GNAI3: variants seen among roughly 807,000 people sequenced by gnomAD.
GNAI3 encodes the protein G protein subunit alpha i3, also known as guanine nucleotide-binding protein G(i) subunit alpha-3.
A neutral mutation model predicts 41.8 loss-of-function variants in GNAI3; 12 were observed. That is an observed-to-expected ratio of 0.29 (90% CI 0.18 to 0.47). The LOEUF (loss-of-function observed/expected upper bound fraction) is 0.47, where lower values mean the gene tolerates loss of function less well. Ranked by LOEUF, GNAI3 falls within the 20% of genes least tolerant of loss-of-function variation. The pLI is 1.00. For synonymous variants in GNAI3, 132 were observed against 146.5 expected (o/e 0.90, Z 0.71); for missense variants, 360 against 429.6 (o/e 0.84, Z 1.43).
chr1:109,566,728 A>AT lies in GNAI3; in HGVS notation c.119-7003dup, dbSNP rs1648464979. On this transcript the variant is annotated intron_variant, in intron 1 of 8. Coordinates refer to ENST00000369851, the MANE Select transcript of GNAI3 (RefSeq NM_006496.4). The stretch of plus-strand genomic sequence containing the variant: ...AGGTGCCCGCCACCATACCTGGCTA[A>AT]TTTTTTGTATTTTTAGTAGAGATGA... Among the ~76,000 whole-genome samples the AT allele has an allele frequency of 2.0e-5, 3 of 152,106 alleles. No individual in the cohort carries two copies. The South Asian group carries it at 6.2e-4, about 32-fold the overall frequency.
chr1:109,573,871 A>G, intron 2 of GNAI3, 25 bp from the exon 3 acceptor site: 1 of 1,608,158 alleles, frequency 6.2e-7, no homozygotes, highest in Non-Finnish European at 8.5e-7. Flanking sequence ...CATGGTATTG[A>G]CTTGTGGTTT....
intron 1 of GNAI3, among the ~76,000 whole-genome samples, chr1:109,567,512 G>C (rs150293790): frequency 2.6e-5 from 4 of 152,276 alleles, no homozygotes; most frequent in African/African-American, 9.6e-5. Flanking sequence ...TGTTCTTCAG[G>C]ATAGGGTGAA....
intron 6 of GNAI3, 88 bp from the exon 7 acceptor site, chr1:109,586,641 C>A: frequency 1.1e-6 from 1 of 925,456 alleles, no homozygotes; most frequent in Non-Finnish European, 1.7e-6. Flanking sequence ...CCATTTAGTG[C>A]TGCAAAACTT....
chr1:109,579,874 G>T, intron 4 of GNAI3, among the ~76,000 whole-genome samples: 1 of 152,152 alleles, frequency 6.6e-6, no homozygotes, highest in East Asian at 1.9e-4. Flanking sequence ...GTATCTTTTT[G>T]TCAAGGATAT....
At position 109,596,579 on chromosome 1, in the gene GNAI3, C is replaced by T. The variant is rs1386117205; in HGVS notation, c.*4257C>T. On this transcript the variant is annotated 3_prime_UTR_variant, in exon 9 of 9. Transcript: ENST00000369851. ...ATGTTAGCCAGGCTGGTCTCAAACT[C>T]CTGACCTCAAGTGATTTGCCTGCCT... The T allele has an allele frequency of 6.6e-6, 1 of 152,284 alleles. No individual in the cohort carries two copies. The highest frequency in any genetic ancestry group is 1.5e-5 in the Non-Finnish European group (1 of 68,134). 9.4% of individuals were successfully genotyped at this position (152,284 alleles called of 1,614,324 possible). A position where few individuals can be genotyped will look rare whatever the true frequency, so the allele number is the denominator to read the frequency against.
intron 4 of GNAI3, 106 bp downstream of exon 4, chr1:109,579,467 C>T (rs1557909616): frequency 1.1e-5 from 7 of 628,194 alleles, no homozygotes; most frequent in East Asian, 3.0e-5. Flanking sequence ...CACTCTTAGA[C>T]GTTTATAGGA....
At chr1:109,586,189 G>A in intron 5 of GNAI3, 27 bp from the exon 6 acceptor site, 2 of 1,609,118 alleles carry the variant, frequency 1.2e-6, no homozygotes, top group Non-Finnish European at 1.7e-6. Flanking sequence ...TGACCTTGCT[G>A]AATTTGCTTT....
intron 5 of GNAI3, among the ~76,000 whole-genome samples, chr1:109,584,674 A>G (rs921484917): frequency 6.6e-6 from 1 of 152,244 alleles, no homozygotes; most frequent in African/African-American, 2.4e-5. Flanking sequence ...ACCATATGCA[A>G]GGCATTGTGT....
At chr1:109,577,034 G>A (rs1461666623) in intron 3 of GNAI3, among the ~76,000 whole-genome samples, 2 of 144,304 alleles carry the variant, frequency 1.4e-5, no homozygotes, top group African/African-American at 5.2e-5. Flanking sequence ...TTTTTTTAAA[G>A]TAGTGCTTAA....
chr1:109,585,529 TA>T (rs202180166), intron 5 of GNAI3, among the ~76,000 whole-genome samples: 12 of 152,266 alleles, frequency 7.9e-5, no homozygotes, highest in African/African-American at 2.9e-4. Flanking sequence ...AATTAATCTC[TA>T]ATTTTTTTTT....
At chr1:109,562,012 C>T (rs1344194045) in intron 1 of GNAI3, among the ~76,000 whole-genome samples, 2 of 151,828 alleles carry the variant, frequency 1.3e-5, no homozygotes, top group African/African-American at 2.4e-5. Flanking sequence ...GAAGGTGAGC[C>T]TGAAAAGGTA....
intron 1 of GNAI3, among the ~76,000 whole-genome samples, chr1:109,571,639 C>A (rs890950494): frequency 4.6e-5 from 7 of 152,100 alleles, no homozygotes; most frequent in Non-Finnish European, 8.8e-5. Context: ...AGATTAGGGC[C>A]GGGTGCGATT....
rs776161263 is a variant in GNAI3, at chr1:109,574,049, T to G, written c.303+12T>G. The G allele has an allele frequency of 5.7e-5, 91 of 1,593,964 alleles. No individual in the cohort carries two copies. Among genetic ancestry groups the G allele is most frequent in the Non-Finnish European group, 7.4e-5 (87 of 1,171,922 alleles). On this transcript the variant is annotated intron_variant, in intron 3 of 8. Transcript: ENST00000369851. ...AAGCTGCCAGGGCAGTAAGTGTTTC[T>G]CATTTCCTCTTCACTTGCTCTTATT...
intron 3 of GNAI3, among the ~76,000 whole-genome samples, chr1:109,576,599 A>G (rs573880260): frequency 7.3e-5 from 11 of 151,644 alleles, no homozygotes; most frequent in African/African-American, 2.7e-4. Context: ...GCTCACCGCA[A>G]CCTCTGCCTC....
chr1:109,567,014 T>C (rs1235618489), intron 1 of GNAI3, among the ~76,000 whole-genome samples: 1 of 152,246 alleles, frequency 6.6e-6, no homozygotes, highest in Non-Finnish European at 1.5e-5. Flanking sequence ...CACAATTCTT[T>C]TTTCTTTCCT....
At chr1:109,549,559 G>A (rs898395401) in intron 1 of GNAI3, among the ~76,000 whole-genome samples, 1 of 152,222 alleles carries the variant, frequency 6.6e-6, no homozygotes, top group African/African-American at 2.4e-5. Flanking sequence ...AATGGTGTGA[G>A]CTGAAGAAAT....
Position 109,594,223 on chromosome 1 carries a change from C to CT in GNAI3, c.*1902dup, listed in dbSNP as rs761686124. ...GAATATACCTTTTCCTTATTGTATT[C>CT]TGTAATATAGGATCCTGGAAATGAG... On this transcript the variant is annotated 3_prime_UTR_variant, in exon 9 of 9. Coordinates refer to ENST00000369851, the MANE Select transcript of GNAI3 (RefSeq NM_006496.4). 1.1e-4 allele frequency: 17 copies of CT among 152,072 alleles called. No homozygotes were observed. Among genetic ancestry groups the CT allele is most frequent in the Non-Finnish European group, 2.2e-4 (15 of 68,000 alleles). 9.4% of individuals were successfully genotyped at this position (152,072 alleles called of 1,614,324 possible).
At chr1:109,568,273 C>T (rs1253877282) in intron 1 of GNAI3, among the ~76,000 whole-genome samples, 4 of 151,906 alleles carry the variant, frequency 2.6e-5, no homozygotes, top group African/African-American at 4.8e-5. Context: ...AGTGGCTCGC[C>T]CCTGTAATAC....
At chr1:109,585,850 C>A (rs912538478) in intron 5 of GNAI3, among the ~76,000 whole-genome samples, 2 of 151,982 alleles carry the variant, frequency 1.3e-5, no homozygotes, top group African/African-American at 4.8e-5. Context: ...AATAAATATA[C>A]CATTATTATT....
Sources: allele counts gnomAD v4.1 joint callset (sites outside exome capture counted in the v4.1 genomes callset), GRCh38; gene constraint gnomAD v4.1.1; transcripts MANE v1.5; gene names NCBI Gene and HGNC (gene_info 2026-07-23, HGNC 2026-07-21).